Variants in RAI14 observed in about 807,000 individuals in gnomAD.
RAI14 encodes the protein retinoic acid induced 14, also known as ankycorbin.
Under a neutral mutation model 115.4 loss-of-function variants are expected in RAI14, and 45 were observed. That is an observed-to-expected ratio of 0.39 (90% CI 0.31 to 0.50). The LOEUF is 0.50. Among genes scored for constraint, RAI14 ranks in the 20% least tolerant of loss-of-function variants. RAI14 has a pLI of 0.85. For missense variants in RAI14, 939 were observed against 1,131.2 expected (o/e 0.83, Z 2.44); for synonymous variants, 371 against 415.4 (o/e 0.89, Z 1.30).
intron 2 of RAI14, among the ~76,000 whole-genome samples, chr5:34,713,898 C>T (rs374549001): frequency 3.9e-5 from 6 of 152,276 alleles, no homozygotes; most frequent in Middle Eastern, 3.4e-3. Flanking sequence ...CTCTGCCTCC[C>T]GGTTTCAAAC....
At chr5:34,710,970 G>A (rs1014244767) in intron 2 of RAI14, among the ~76,000 whole-genome samples, 4 of 152,128 alleles carry the variant, frequency 2.6e-5, no homozygotes, top group African/African-American at 9.7e-5. Context: ...TTTGAACTAC[G>A]TTTGACTGAC....
Position 34,686,974 on chromosome 5 carries a change from A to C in RAI14, c.36+19A>C, listed in dbSNP as rs200951966. Reference sequence around the variant, plus strand: ...GAGTGACGTGAGTATGCGGTGACTCACAGTCTGGCTGTTCCTTCTTCTCCA... The same window carrying C: ...GAGTGACGTGAGTATGCGGTGACTCCCAGTCTGGCTGTTCCTTCTTCTCCA... On this transcript the variant is annotated intron_variant, in intron 2 of 17. Transcript: ENST00000265109. The C allele has an allele frequency of 5.6e-5, 91 of 1,613,324 alleles. No individual in the cohort carries two copies. In the East Asian group the frequency reaches 2.0e-3, roughly 35 times the overall value.
At chr5:34,709,002 G>A (rs1741070667) in intron 2 of RAI14, among the ~76,000 whole-genome samples, 1 of 151,830 alleles carries the variant, frequency 6.6e-6, no homozygotes, top group African/African-American at 2.4e-5. Context: ...AGATAACTGG[G>A]CATGGTGGTA....
chr5:34,706,444 G>T (rs1740704483), intron 2 of RAI14, among the ~76,000 whole-genome samples: 1 of 152,084 alleles, frequency 6.6e-6, no homozygotes, highest in African/African-American at 2.4e-5. Context: ...CTTTTATATG[G>T]TTTTTCCCAT....
At chr5:34,716,843 G>T (rs559146834) in intron 2 of RAI14, 1 of 152,290 alleles carries the variant, frequency 6.6e-6, no homozygotes, top group East Asian at 1.9e-4. Flanking sequence ...GAAATCCATG[G>T]AGAAGAGTTT....
intron 2 of RAI14, chr5:34,688,243 A>G: frequency 6.5e-7 from 1 of 1,549,638 alleles, no homozygotes; most frequent in Non-Finnish European, 8.7e-7. Flanking sequence ...AGCTAAGGAG[A>G]AAAAGGCAAT....
rs71600953 is a variant in RAI14 at position 34,752,703 on chromosome 5, ATGTGTGTGTGTGTGTG to A, written c.37-4733_37-4718del. On this transcript the variant is annotated intron_variant, in intron 2 of 17. Transcript: ENST00000265109. ...AGAAATATCTATATTTCTTACATATATGTGTGTGTGTGTGTGTGTGTGTGTGTGTGTGTGTGTGTGT... is the reference window on the plus strand; with the variant it reads ...AGAAATATCTATATTTCTTACATATATGTGTGTGTGTGTGTGTGTGTGTGT... Among the ~76,000 whole-genome samples, 24 of 83,026 alleles carry A rather than the reference ATGTGTGTGTGTGTGTG, an allele frequency of 2.9e-4. No homozygotes were observed. In the East Asian group the frequency reaches 3.8e-3, roughly 13 times the overall value. The allele number at this position is 83,026 out of a possible 152,430, so 54.5% of individuals were successfully genotyped here.
Position 34,821,869 on chromosome 5 carries a change from A to G in RAI14, c.1113+19A>G, listed in dbSNP as rs755408130. 2.3e-6 allele frequency: 3 copies of G among 1,332,646 alleles called. No homozygotes were observed. The highest frequency in any genetic ancestry group is 2.4e-5 in the South Asian group (2 of 85,056). 82.6% of individuals were successfully genotyped at this position (1,332,646 alleles called of 1,614,324 possible). ...ATTACAGGTATATAAATAGATTGCTATCATGGACTATTCTGTAGAGTCAAG... is the reference window on the plus strand; with the variant it reads ...ATTACAGGTATATAAATAGATTGCTGTCATGGACTATTCTGTAGAGTCAAG... On this transcript the variant is annotated intron_variant, in intron 14 of 17. Coordinates refer to ENST00000265109, the MANE Select transcript of RAI14 (RefSeq NM_015577.3).
intron 1 of RAI14, among the ~76,000 whole-genome samples, chr5:34,664,730 G>A (rs1742975592): frequency 6.6e-6 from 1 of 151,526 alleles, no homozygotes; most frequent in Non-Finnish European, 1.5e-5. Context: ...CACCTGAGCA[G>A]TATACGCTGC....
chr5:34,682,891 G>C (rs16903658), intron 1 of RAI14, among the ~76,000 whole-genome samples: 4,072 of 152,230 alleles, frequency 0.027, 189 homozygotes, highest in African/African-American at 0.093. Flanking sequence ...GCTTTTCCAA[G>C]GACTGCCTTT....
chr5:34,829,164 C>A (rs1450609308), intron 16 of RAI14, among the ~76,000 whole-genome samples: 1 of 119,650 alleles, frequency 8.4e-6, no homozygotes, highest in Non-Finnish European at 1.8e-5. Context: ...GACACACATA[C>A]ACACACACAC....
At chr5:34,736,212 C>T (rs916043632) in intron 2 of RAI14, among the ~76,000 whole-genome samples, 6 of 152,154 alleles carry the variant, frequency 3.9e-5, no homozygotes, top group African/African-American at 1.4e-4. Context: ...ACCAGGCTGG[C>T]CAACATGGCG....
chr5:34,660,046 T>C (rs538460290), intron 1 of RAI14, among the ~76,000 whole-genome samples: 22 of 151,978 alleles, frequency 1.4e-4, no homozygotes, highest in Non-Finnish European at 2.9e-4. Context: ...GGTGTGGTGG[T>C]GTGCCTGTGG....
At chr5:34,724,241 C>T (rs1467976508) in intron 2 of RAI14, among the ~76,000 whole-genome samples, 1 of 152,122 alleles carries the variant, frequency 6.6e-6, no homozygotes, top group Non-Finnish European at 1.5e-5. Flanking sequence ...GTCTTGAACT[C>T]CTGACCTCAA....
intron 2 of RAI14, among the ~76,000 whole-genome samples, chr5:34,735,075 A>G (rs1744698868): frequency 6.6e-6 from 1 of 152,236 alleles, no homozygotes; most frequent in Non-Finnish European, 1.5e-5. Context: ...AATATCGTTT[A>G]GCTTTAAAGA....
At chr5:34,724,553 G>C (rs1342178110) in intron 2 of RAI14, among the ~76,000 whole-genome samples, 1 of 152,078 alleles carries the variant, frequency 6.6e-6, no homozygotes. Flanking sequence ...GATAAAACTG[G>C]CAAGTGGACC....
At chr5:34,769,481 C>T (rs1580194812) in intron 3 of RAI14, among the ~76,000 whole-genome samples, 1 of 152,150 alleles carries the variant, frequency 6.6e-6, no homozygotes, top group Non-Finnish European at 1.5e-5. Flanking sequence ...GATTGGCCTG[C>T]TGAAATATTC....
At chr5:34,792,768 A>G (rs1227619219) in intron 3 of RAI14, among the ~76,000 whole-genome samples, 1 of 152,190 alleles carries the variant, frequency 6.6e-6, no homozygotes, top group African/African-American at 2.4e-5. Context: ...TCCTTATAGA[A>G]TGAGCTGTTT....
intron 2 of RAI14, among the ~76,000 whole-genome samples, chr5:34,710,469 G>A (rs1431822145): frequency 6.6e-6 from 1 of 152,148 alleles, no homozygotes. Context: ...CTCAGTATGT[G>A]AAAGAACTTG....
Sources: allele counts gnomAD v4.1 joint callset (sites outside exome capture counted in the v4.1 genomes callset), GRCh38; gene constraint gnomAD v4.1.1; transcripts MANE v1.5; gene names NCBI Gene and HGNC (gene_info 2026-07-23, HGNC 2026-07-21).